The following PPP4R4 variants were observed in gnomAD, a reference collection of about 807,000 sequenced individuals.
PPP4R4 encodes the protein protein phosphatase 4 regulatory subunit 4.
PPP4R4 carries 70 observed loss-of-function variants against 121.8 expected under a neutral mutation model. The ratio of observed to expected loss-of-function variants is 0.57; its 90% CI spans 0.47 to 0.70. The LOEUF (loss-of-function observed/expected upper bound fraction) is 0.70, where lower values mean the gene tolerates loss of function less well. Among genes scored for constraint, PPP4R4 ranks in the 30% least tolerant of loss-of-function variants. PPP4R4 has a pLI of 0.00. For missense variants in PPP4R4, 875 were observed against 1,033.6 expected, an observed-to-expected ratio of 0.85 and a Z score of 2.10; for synonymous variants, 348 against 355.7, an observed-to-expected ratio of 0.98 and a Z score of 0.24.
Position 94,242,376 on chromosome 14 carries a change from G to A in PPP4R4, c.1234G>A (p.Val412Ile), listed in dbSNP as rs1399458992. The A allele has an allele frequency of 6.2e-7, 1 of 1,610,496 alleles. No individual in the cohort carries two copies. Among genetic ancestry groups the A allele is most frequent in the Non-Finnish European group, 8.5e-7 (1 of 1,177,134 alleles). Reference sequence around the variant, plus strand: ...CCTTTGCCATGACCCTGAAGTACCAGTCAGATACACTATTGCTATTTGCTT... The same window carrying A: ...CCTTTGCCATGACCCTGAAGTACCAATCAGATACACTATTGCTATTTGCTT... ...FCLCHDPEVP[V>I]RYTIAICFYE... The change falls in exon 11 of 25, where the codon GTC (valine) becomes ATC (isoleucine). Residue 412 changes from valine (V) to isoleucine (I), a missense_variant. Physicochemically the swap from Val to Ile is conservative, Grantham distance 29. Transcript: ENST00000304338.
chr14:94,248,738 A>G (rs1893023225), intron 14 of PPP4R4, among the ~76,000 whole-genome samples: 1 of 152,120 alleles, frequency 6.6e-6, no homozygotes, highest in Non-Finnish European at 1.5e-5. Flanking sequence ...ATGCATTTTT[A>G]ATGGTGGCAT....
chr14:94,235,620 C>G (rs893006782), intron 7 of PPP4R4, among the ~76,000 whole-genome samples: 2 of 151,076 alleles, frequency 1.3e-5, no homozygotes, highest in Non-Finnish European at 3.0e-5. Flanking sequence ...AGGATGGTCT[C>G]GATCTCCTGA....
chr14:94,196,671 A>G (rs1889894148), intron 2 of PPP4R4, among the ~76,000 whole-genome samples: 2 of 152,000 alleles, frequency 1.3e-5, no homozygotes, highest in African/African-American at 4.8e-5. Context: ...CTCTTGAAGT[A>G]TTATTGTGTT....
At chr14:94,258,917 G>T in intron 18 of PPP4R4, 93 bp downstream of exon 18, 1 of 1,195,322 alleles carries the variant, frequency 8.4e-7, no homozygotes. Flanking sequence ...AAAGAAAGAG[G>T]TTTAATTGAA....
intron 2 of PPP4R4, among the ~76,000 whole-genome samples, chr14:94,205,308 A>C (rs1286339158): frequency 6.6e-6 from 1 of 152,030 alleles, no homozygotes; most frequent in Non-Finnish European, 1.5e-5. Flanking sequence ...ATTTTGTCTA[A>C]GTTTTCAAAT....
chr14:94,234,505 G>T, intron 6 of PPP4R4, 57 bp from the exon 7 acceptor site: 1 of 1,023,800 alleles, frequency 9.8e-7, no homozygotes, highest in Non-Finnish European at 1.5e-6. Context: ...TAATTGTTTG[G>T]GAATATTATT....
In PPP4R4 at chr14:94,230,733, A is replaced by G; in HGVS notation, c.441A>G (p.Thr147=). ...VILLHLEHRD[T]GVSNAWLETL... is the part of the protein sequence containing the mutation. ...TCCTGCATCTGGAGCACAGGGACAC[A>G]GGTCAGGGGCCTGGCATGCTTAATT... is the stretch of plus-strand genomic sequence containing the variant. The change falls in exon 4 of 25, where the codon ACA becomes ACG. Residue 147 remains threonine, a splice_region_variant and synonymous_variant. Transcript: ENST00000304338. The G allele has an allele frequency of 6.2e-7, 1 of 1,609,702 alleles. No homozygotes were observed. The highest frequency in any genetic ancestry group is 8.5e-7 in the Non-Finnish European group (1 of 1,177,928).
intron 3 of PPP4R4, among the ~76,000 whole-genome samples, chr14:94,228,049 T>C (rs992191752): frequency 1.4e-4 from 21 of 152,294 alleles, no homozygotes; most frequent in African/African-American, 5.1e-4. Context: ...TCTCATGATA[T>C]GTAACTGACT....
At chr14:94,227,473 G>A in intron 3 of PPP4R4, 1 of 1,472,052 alleles carries the variant, frequency 6.8e-7, no homozygotes, top group Non-Finnish European at 9.0e-7. Context: ...AGTCTGTGCT[G>A]GTTTCTTAAC....
chr14:94,271,390 C>T (rs1273937653), intron 23 of PPP4R4, among the ~76,000 whole-genome samples: 2 of 152,168 alleles, frequency 1.3e-5, no homozygotes. Context: ...ATACATCACA[C>T]TAACAGGCCA....
intron 3 of PPP4R4, among the ~76,000 whole-genome samples, chr14:94,214,098 C>T (rs1426147796): frequency 6.6e-6 from 1 of 152,050 alleles, no homozygotes; most frequent in Non-Finnish European, 1.5e-5. Context: ...ATAATAGGCA[C>T]TCAAAAAAAT....
chr14:94,254,628 A>G (rs1052299837), intron 16 of PPP4R4, among the ~76,000 whole-genome samples: 1 of 152,212 alleles, frequency 6.6e-6, no homozygotes, highest in African/African-American at 2.4e-5. Context: ...AACTCTAAAA[A>G]TGGGATTCAG....
intron 3 of PPP4R4, among the ~76,000 whole-genome samples, chr14:94,216,905 C>T (rs772302360): frequency 6.6e-6 from 1 of 152,086 alleles, no homozygotes; most frequent in East Asian, 1.9e-4. Context: ...GTGTGGAAGG[C>T]AGGAGATGTT....
chr14:94,193,813 A>T (rs150796884), intron 2 of PPP4R4, among the ~76,000 whole-genome samples: 78 of 152,332 alleles, frequency 5.1e-4, no homozygotes, highest in African/African-American at 1.9e-3. Flanking sequence ...AGCCTTTGAC[A>T]AAAGGAATGG....
At chr14:94,258,891 G>A in intron 18 of PPP4R4, 67 bp downstream of exon 18, 5 of 1,365,638 alleles carry the variant, frequency 3.7e-6, no homozygotes, top group Non-Finnish European at 4.1e-6. Context: ...ACATACCCAA[G>A]ACTGGGCAAT....
chr14:94,217,579 G>T, intron 3 of PPP4R4, among the ~76,000 whole-genome samples: 1 of 152,190 alleles, frequency 6.6e-6, no homozygotes, highest in East Asian at 1.9e-4. Context: ...GATATTGGAA[G>T]TATTAGAGAA....
At chr14:94,276,330 G>A (rs1894636750) in intron 24 of PPP4R4, among the ~76,000 whole-genome samples, 1 of 152,204 alleles carries the variant, frequency 6.6e-6, no homozygotes, top group African/African-American at 2.4e-5. Context: ...CTGTGCTGGA[G>A]TCCCTTTTAG....
chr14:94,185,472 A>G (rs1318728033), intron 2 of PPP4R4, among the ~76,000 whole-genome samples: 1 of 152,092 alleles, frequency 6.6e-6, no homozygotes, highest in Admixed American at 6.5e-5. Flanking sequence ...GTGCCACTGA[A>G]CTCCAGCCTG....
intron 3 of PPP4R4, among the ~76,000 whole-genome samples, chr14:94,222,600 C>CAGAAT (rs1408659587): frequency 6.8e-6 from 1 of 147,342 alleles, no homozygotes; most frequent in African/African-American, 2.5e-5. Flanking sequence ...GCCTGAAGAA[C>CAGAAT]ACCTTTTAGT....
Sources: allele counts gnomAD v4.1 joint callset (sites outside exome capture counted in the v4.1 genomes callset), GRCh38; gene constraint gnomAD v4.1.1; transcripts MANE v1.5; gene names NCBI Gene and HGNC (gene_info 2026-07-23, HGNC 2026-07-21).